YWHAQ: variants seen among roughly 807,000 people sequenced by gnomAD.
YWHAQ encodes 14-3-3 protein theta.
A neutral mutation model predicts 28.3 loss-of-function variants in YWHAQ; 6 were observed. The ratio of observed to expected loss-of-function variants is 0.21; its 90% CI spans 0.12 to 0.42. YWHAQ has a LOEUF of 0.42. YWHAQ is among the 10% of genes least tolerant of loss of function. The probability of loss-of-function intolerance (pLI) is 1.00; values close to 1 mark genes in which losing one functional copy is unlikely to be tolerated. For synonymous variants in YWHAQ, 143 were observed against 119.1 expected (o/e 1.20, Z -1.31); for missense variants, 201 against 305.6 (o/e 0.66, Z 2.55).
chr2:9,596,745 C>G (rs6432023), intron 2 of YWHAQ, among the ~76,000 whole-genome samples: 5 of 151,902 alleles, frequency 3.3e-5, no homozygotes, highest in African/African-American at 1.2e-4. Flanking sequence ...TCTGCCAACC[C>G]AGACTGAAGC....
chr2:9,591,300 G>A lies in YWHAQ; in HGVS notation c.418+92C>T, dbSNP rs1411764434. On this transcript the variant is annotated intron_variant, in intron 3 of 5. Coordinates refer to ENST00000238081, the MANE Select transcript of YWHAQ (RefSeq NM_006826.4). ...ACATTCAATTATTAAGTCACAAAGA[G>A]CCTGAAGACTACGTATACTGTCATA... The A allele has an allele frequency of 4.3e-6, 6 of 1,401,124 alleles. No homozygotes were observed. In the East Asian group the frequency reaches 1.4e-4, roughly 33 times the overall value. The allele number at this position is 1,401,124 out of a possible 1,614,324, so 86.8% of individuals were successfully genotyped here.
At chr2:9,610,626 A>G (rs1275722039) in intron 2 of YWHAQ, among the ~76,000 whole-genome samples, 4 of 152,112 alleles carry the variant, frequency 2.6e-5, no homozygotes, top group African/African-American at 9.7e-5. Flanking sequence ...CTCCTGCCTC[A>G]GCTTTCCAAG....
At chr2:9,591,307 G>A in intron 3 of YWHAQ, 85 bp downstream of exon 3, 1 of 1,430,476 alleles carries the variant, frequency 7.0e-7, no homozygotes, top group Non-Finnish European at 9.3e-7. Context: ...AGAGCCTGAA[G>A]ACTACGTATA....
At position 9,605,745 on chromosome 2, in the gene YWHAQ, T is replaced by C. The variant is rs374480125; in HGVS notation, c.295-14230A>G. ...CCGGCTAATTTTTTTTTTTTTTTGG[T>C]AGAGGGGGGTTTTCACCATGTTGGC... On this transcript the variant is annotated intron_variant, in intron 2 of 5. Transcript: ENST00000238081. Among the ~76,000 whole-genome samples, 79 of 150,718 alleles carry C rather than the reference T, an allele frequency of 5.2e-4. No homozygotes were observed. In the East Asian group the frequency reaches 0.015, roughly 28 times the overall value.
chr2:9,586,912 G>C (rs1027561736), intron 5 of YWHAQ, among the ~76,000 whole-genome samples: 3 of 152,104 alleles, frequency 2.0e-5, no homozygotes, highest in African/African-American at 7.2e-5. Context: ...CTAAGAAGCA[G>C]GGAGAAAAAG....
chr2:9,609,598 T>C (rs1666905664), intron 2 of YWHAQ, among the ~76,000 whole-genome samples: 1 of 151,842 alleles, frequency 6.6e-6, no homozygotes, highest in Non-Finnish European at 1.5e-5. Flanking sequence ...AAAAAAATCA[T>C]ACCTAGATCA....
rs151047530 is a variant in YWHAQ, at chr2:9,593,898, TAA to T, written c.295-2385_295-2384del. Among the ~76,000 whole-genome samples the T allele has an allele frequency of 1.1e-4, 13 of 121,506 alleles. No individual in the cohort carries two copies. In the South Asian group the frequency reaches 1.8e-3, roughly 16 times the overall value. 79.7% of individuals were successfully genotyped at this position (121,506 alleles called of 152,430 possible). On this transcript the variant is annotated intron_variant, in intron 2 of 5. Coordinates refer to ENST00000238081, the MANE Select transcript of YWHAQ (RefSeq NM_006826.4). Reference sequence around the variant, plus strand: ...AATTGAAAAAATATTTTAAATAGATTAAAAAAAATATATATATATATATATAC... The same window carrying T: ...AATTGAAAAAATATTTTAAATAGATTAAAAAATATATATATATATATATAC...
At chr2:9,617,926 CAA>C (rs771069949) in intron 2 of YWHAQ, among the ~76,000 whole-genome samples, 9 of 123,592 alleles carry the variant, frequency 7.3e-5, no homozygotes, top group South Asian at 2.5e-4. Context: ...GACCCTCTGC[CAA>C]AAAAAAAAAA....
chr2:9,626,706 C>T (rs980722974), intron 2 of YWHAQ, among the ~76,000 whole-genome samples: 1 of 152,266 alleles, frequency 6.6e-6, no homozygotes, highest in African/African-American at 2.4e-5. Flanking sequence ...GCTGGGATTA[C>T]AGGCATGAGC....
intron 2 of YWHAQ, among the ~76,000 whole-genome samples, chr2:9,618,462 C>G (rs1345748046): frequency 6.6e-6 from 1 of 152,156 alleles, no homozygotes; most frequent in Non-Finnish European, 1.5e-5. Context: ...GCAATCATCA[C>G]TATGACTTTT....
rs376526637 is a variant in YWHAQ, at chr2:9,610,376, T to C, written c.295-18861A>G. ...TCATAGGGTTGTTGTGAAGATTAAATGAGTTAACACAAACTCTGCTTGGTA... is the reference window on the plus strand; with the variant it reads ...TCATAGGGTTGTTGTGAAGATTAAACGAGTTAACACAAACTCTGCTTGGTA... On this transcript the variant is annotated intron_variant, in intron 2 of 5. Transcript: ENST00000238081. Among the ~76,000 whole-genome samples the C allele has an allele frequency of 9.8e-5, 15 of 152,358 alleles. No individual in the cohort carries two copies. In the East Asian group the frequency reaches 1.5e-3, roughly 16 times the overall value.
chr2:9,596,125 A>T (rs1490237442), intron 2 of YWHAQ, among the ~76,000 whole-genome samples: 1 of 152,228 alleles, frequency 6.6e-6, no homozygotes, highest in Non-Finnish European at 1.5e-5. Context: ...AGACTATAAC[A>T]CAAAAGCTAT....
In YWHAQ at chr2:9,602,576, C is replaced by T. The variant is rs528487769; in HGVS notation, c.295-11061G>A. Among the ~76,000 whole-genome samples, 12 of 151,562 alleles carry T rather than the reference C, an allele frequency of 7.9e-5. No homozygotes were observed. In the South Asian group the frequency reaches 2.1e-3, roughly 26 times the overall value. On this transcript the variant is annotated intron_variant, in intron 2 of 5. Coordinates refer to ENST00000238081, the MANE Select transcript of YWHAQ (RefSeq NM_006826.4). ...CAGGTGAGTCCCACCACCCAGCTGT[C>T]TCCCCCAGCCTGGAACGGAGTGCAG...
chr2:9,624,786 G>A (rs999382851), intron 2 of YWHAQ, among the ~76,000 whole-genome samples: 3 of 150,570 alleles, frequency 2.0e-5, no homozygotes, highest in African/African-American at 7.3e-5. Context: ...TCGCTCTGTC[G>A]CCTAGGCTGG....
intron 3 of YWHAQ, among the ~76,000 whole-genome samples, chr2:9,588,884 G>GA (rs35874826): frequency 1.3e-5 from 2 of 152,194 alleles, no homozygotes; most frequent in African/African-American, 2.4e-5. Flanking sequence ...GAGGCAGGGG[G>GA]ATCACTTGAA....
intron 2 of YWHAQ, among the ~76,000 whole-genome samples, chr2:9,627,307 A>G (rs1283219992): frequency 6.6e-6 from 1 of 152,202 alleles, no homozygotes; most frequent in Non-Finnish European, 1.5e-5. Context: ...CTAGTCTTCT[A>G]TAATTACCAA....
chr2:9,622,250 G>A (rs1166273804), intron 2 of YWHAQ, among the ~76,000 whole-genome samples: 1 of 150,710 alleles, frequency 6.6e-6, no homozygotes, highest in African/African-American at 2.4e-5. Flanking sequence ...TTCTCCCACA[G>A]AGGCCATTAT....
At chr2:9,605,028 G>A (rs1303928149) in intron 2 of YWHAQ, among the ~76,000 whole-genome samples, 1 of 152,008 alleles carries the variant, frequency 6.6e-6, no homozygotes, top group Non-Finnish European at 1.5e-5. Flanking sequence ...ATACTACTTT[G>A]AAATGATATG....
intron 2 of YWHAQ, among the ~76,000 whole-genome samples, chr2:9,597,878 G>A (rs1472804438): frequency 6.6e-6 from 1 of 150,842 alleles, no homozygotes; most frequent in Admixed American, 6.6e-5. Flanking sequence ...GGAGTGCAAT[G>A]GCATGATCTC....
Sources: allele counts gnomAD v4.1 joint callset (sites outside exome capture counted in the v4.1 genomes callset), GRCh38; gene constraint gnomAD v4.1.1; transcripts MANE v1.5; gene names NCBI Gene and HGNC (gene_info 2026-07-23, HGNC 2026-07-21).